Variants in CHLSN observed in about 807,000 individuals in gnomAD.
The protein encoded by CHLSN is protein cholesin.
chr7:1,099,742 G>A, the CHLSN span, among the ~76,000 whole-genome samples: 2 of 152,240 alleles, frequency 1.3e-5, no homozygotes, highest in Non-Finnish European at 2.9e-5. Context: ...GTTGCCGTCT[G>A]ACCTGTGCAC....
At chr7:1,027,471 C>T in the CHLSN span, among the ~76,000 whole-genome samples, 1 of 152,350 alleles carries the variant, frequency 6.6e-6, no homozygotes, top group African/African-American at 2.4e-5. Context: ...CCCGGGCCAC[C>T]GCCTCCTCAG....
the CHLSN span, chr7:988,856 T>A: frequency 7.8e-7 from 1 of 1,289,968 alleles, no homozygotes. Flanking sequence ...TCCTGACCAC[T>A]CCCCTCCCAG....
the CHLSN span, among the ~76,000 whole-genome samples, chr7:1,011,304 C>T: frequency 9.0e-3 from 1,318 of 146,196 alleles, 8 homozygotes; most frequent in African/African-American, 0.014. Context: ...AACACCCACA[C>T]GCCCAGACAC....
At chr7:990,376 G>A in the CHLSN span, among the ~76,000 whole-genome samples, 3 of 149,344 alleles carry the variant, frequency 2.0e-5, no homozygotes, top group South Asian at 6.3e-4. Flanking sequence ...ACAGTGGCGC[G>A]TGTGCTGGGG....
the CHLSN span, chr7:1,021,617 G>A: frequency 1.0e-6 from 1 of 967,562 alleles, no homozygotes; most frequent in Admixed American, 6.1e-5. Context: ...GGGACAATCT[G>A]CCAGCCCCAG....
chr7:978,497 C>CA, the CHLSN span, among the ~76,000 whole-genome samples: 10 of 151,952 alleles, frequency 6.6e-5, no homozygotes, highest in East Asian at 1.4e-3. Context: ...GCAGCCTGGG[C>CA]AAAAAAGTGA....
the CHLSN span, among the ~76,000 whole-genome samples, chr7:1,042,060 G>C: frequency 7.0e-3 from 1,064 of 152,050 alleles, 10 homozygotes; most frequent in African/African-American, 0.025. Flanking sequence ...GCACAACTAG[G>C]GCATCCCCCA....
chr7:983,305 C>T, the CHLSN span: 6 of 1,541,040 alleles, frequency 3.9e-6, no homozygotes, highest in African/African-American at 2.7e-5. Flanking sequence ...TGCCCGGTGG[C>T]CCCCGGGGCC....
At chr7:1,088,494 C>T in the CHLSN span, among the ~76,000 whole-genome samples, 1 of 152,208 alleles carries the variant, frequency 6.6e-6, no homozygotes, top group African/African-American at 2.4e-5. The surrounding 1 kb of genome is among the most constrained non-coding windows in gnomAD (Gnocchi z 4.5). Flanking sequence ...CCCCTCTCCC[C>T]CGGAGCTCCG....
At chr7:1,004,876 C>T in the CHLSN span, among the ~76,000 whole-genome samples, 3 of 152,182 alleles carry the variant, frequency 2.0e-5, no homozygotes, top group Admixed American at 6.5e-5. Context: ...GCGGGGGCCA[C>T]GGCCACTGCA....
the CHLSN span, among the ~76,000 whole-genome samples, chr7:1,049,267 G>T: frequency 1.3e-4 from 20 of 152,250 alleles, 1 homozygote; most frequent in Non-Finnish European, 1.3e-4. Context: ...AGCTTCCTCT[G>T]CCCTTTATAT....
the CHLSN span, among the ~76,000 whole-genome samples, chr7:1,070,971 GGCACAT>G: frequency 1.1e-4 from 16 of 142,924 alleles, no homozygotes; most frequent in African/African-American, 2.3e-4. Context: ...CACGCACACG[GGCACAT>G]GCACACGGGC....
At chr7:1,017,149 G>A in the CHLSN span, among the ~76,000 whole-genome samples, 1 of 152,246 alleles carries the variant, frequency 6.6e-6, no homozygotes, top group African/African-American at 2.4e-5. Flanking sequence ...CAGGCTGTGG[G>A]CATTGGGCCT....
the CHLSN span, chr7:1,080,807 G>A: frequency 6.6e-6 from 1 of 152,272 alleles, no homozygotes; most frequent in Non-Finnish European, 1.5e-5. Context: ...GAGGGTCACG[G>A]CGAATTATAT....
the CHLSN span, among the ~76,000 whole-genome samples, chr7:1,115,000 C>T: frequency 6.6e-6 from 1 of 152,246 alleles, no homozygotes; most frequent in Non-Finnish European, 1.5e-5. Flanking sequence ...TTTGAGATGC[C>T]TGTGGGGGTC....
the CHLSN span, among the ~76,000 whole-genome samples, chr7:991,077 C>T: frequency 6.6e-6 from 1 of 152,056 alleles, no homozygotes; most frequent in Non-Finnish European, 1.5e-5. Context: ...CTTACATTGG[C>T]CTGGGGTATT....
chr7:1,069,080 C>T, the CHLSN span, among the ~76,000 whole-genome samples: 153 of 152,298 alleles, frequency 1.0e-3, no homozygotes, highest in African/African-American at 3.4e-3. Context: ...TGCCTGTAAT[C>T]CCAGCACTTT....
At chr7:1,129,365 GCGCCA>G in the CHLSN span, among the ~76,000 whole-genome samples, 23 of 23,394 alleles carry the variant, frequency 9.8e-4, 1 homozygote, top group African/African-American at 8.4e-3. Context: ...GAGTGCAGTG[GCGCCA>G]TCTCGGCTCA....
At chr7:1,005,294 C>T in the CHLSN span, among the ~76,000 whole-genome samples, 2 of 152,306 alleles carry the variant, frequency 1.3e-5, no homozygotes, top group African/African-American at 4.8e-5. Flanking sequence ...CATCTCAAAA[C>T]AAACAAATCA....
Sources: allele counts gnomAD v4.1 joint callset (sites outside exome capture counted in the v4.1 genomes callset), GRCh38; gene constraint gnomAD v4.1.1; non-coding constraint Gnocchi (gnomAD v3.1); transcripts MANE v1.5; gene names NCBI Gene and HGNC (gene_info 2026-07-23, HGNC 2026-07-21).